Variants in SOX5 observed in about 807,000 individuals in gnomAD.
SOX5 encodes the protein SRY-box transcription factor 5.
A neutral mutation model predicts 92.0 loss-of-function variants in SOX5; 9 were observed. That is an observed-to-expected ratio of 0.10 (90% CI 0.06 to 0.17). The LOEUF is 0.17. Ranked by LOEUF, SOX5 falls within the 10% of genes least tolerant of loss-of-function variation. The pLI is 1.00. For missense variants in SOX5, 642 were observed against 944.5 expected, an observed-to-expected ratio of 0.68 and a Z score of 4.20; for synonymous variants, 344 against 336.3, an observed-to-expected ratio of 1.02 and a Z score of -0.25.
chr12:24,370,799 C>T (rs1439243550), intron 1 of SOX5, among the ~76,000 whole-genome samples: 1 of 152,174 alleles, frequency 6.6e-6, no homozygotes, highest in African/African-American at 2.4e-5. Context: ...CAAAAGACAA[C>T]AACAACAAAA....
chr12:24,018,729 G>A (rs999203688), intron 4 of SOX5, among the ~76,000 whole-genome samples: 1 of 151,970 alleles, frequency 6.6e-6, no homozygotes, highest in Non-Finnish European at 1.5e-5. Context: ...CCTGGGAGGC[G>A]GAGGTTGCAG....
chr12:24,463,605 G>C (rs1309625415), intron 1 of SOX5, among the ~76,000 whole-genome samples: 1 of 152,186 alleles, frequency 6.6e-6, no homozygotes, highest in East Asian at 1.9e-4. Context: ...TGAAAAGGGG[G>C]TGAGCTTGCC....
chr12:23,895,724 G>A, intron 2 of SOX5, 69 bp downstream of exon 2: 3 of 1,072,968 alleles, frequency 2.8e-6, no homozygotes, highest in East Asian at 4.7e-5. Flanking sequence ...AAAGGACTGA[G>A]GCCAAACTAT....
At chr12:24,442,522 AGC>A (rs1465653976) in intron 1 of SOX5, among the ~76,000 whole-genome samples, 5 of 152,310 alleles carry the variant, frequency 3.3e-5, no homozygotes, top group African/African-American at 1.2e-4. Context: ...GGGAGCAGAG[AGC>A]GGGTGCGGTT....
intron 1 of SOX5, among the ~76,000 whole-genome samples, chr12:24,465,917 TG>T (rs1303432074): frequency 6.6e-6 from 1 of 152,194 alleles, no homozygotes; most frequent in African/African-American, 2.4e-5. Flanking sequence ...TCCCCATAGA[TG>T]GGAAACACTC....
At chr12:23,786,313 T>C (rs1209745796) in intron 3 of SOX5, among the ~76,000 whole-genome samples, 1 of 151,974 alleles carries the variant, frequency 6.6e-6, no homozygotes. Context: ...AACTATTGTA[T>C]GTAGCTATTT....
intron 2 of SOX5, among the ~76,000 whole-genome samples, chr12:23,874,779 G>C (rs1289895088): frequency 6.6e-6 from 1 of 152,148 alleles, no homozygotes; most frequent in African/African-American, 2.4e-5. Context: ...GAAGTCCTGA[G>C]AGAAAGGATT....
At chr12:24,541,279 A>G (rs1389869630) in intron 1 of SOX5, among the ~76,000 whole-genome samples, 1 of 152,246 alleles carries the variant, frequency 6.6e-6, no homozygotes, top group African/African-American at 2.4e-5. Context: ...TCCTGATGAG[A>G]GCACCTTTCA....
chr12:24,065,645 C>CAAAAAAAAAAAAAAAAAA (rs71445983), intron 4 of SOX5, among the ~76,000 whole-genome samples: 35 of 81,556 alleles, frequency 4.3e-4, no homozygotes, highest in African/African-American at 8.7e-4. Context: ...GACTCCATCT[C>CAAAAAAAAAAAAAAAAAA]AAAAAAAAAA....
chr12:23,979,707 G>GTTTTTTTTTTTTTT (rs1177945407), intron 4 of SOX5, among the ~76,000 whole-genome samples: 2 of 77,500 alleles, frequency 2.6e-5, no homozygotes, highest in East Asian at 4.3e-4. Flanking sequence ...TGTTTTTTTT[G>GTTTTTTTTTTTTTT]TTTTTTTTTT....
intron 3 of SOX5, among the ~76,000 whole-genome samples, chr12:24,239,319 A>T (rs939658137): frequency 6.6e-6 from 1 of 152,216 alleles, no homozygotes; most frequent in East Asian, 1.9e-4. Context: ...AAACTCACTA[A>T]ATTTCCTTAG....
intron 3 of SOX5, among the ~76,000 whole-genome samples, chr12:24,239,960 G>A (rs1037019884): frequency 4.6e-5 from 7 of 152,054 alleles, no homozygotes; most frequent in East Asian, 1.9e-4. Context: ...GGGAATACAC[G>A]GCTCCAGATA....
intron 1 of SOX5, among the ~76,000 whole-genome samples, chr12:24,531,477 G>A (rs1370439319): frequency 6.6e-6 from 1 of 152,048 alleles, no homozygotes; most frequent in Non-Finnish European, 1.5e-5. Context: ...TTGTGATTAT[G>A]ACTATACTAT....
At chr12:23,614,699 G>A (rs561321560) in intron 8 of SOX5, among the ~76,000 whole-genome samples, 2 of 152,252 alleles carry the variant, frequency 1.3e-5, no homozygotes, top group South Asian at 4.1e-4. Flanking sequence ...GAGTAATGTG[G>A]TATCTTCATG....
intron 4 of SOX5, among the ~76,000 whole-genome samples, chr12:23,965,849 C>T (rs1478362069): frequency 6.6e-6 from 1 of 152,052 alleles, no homozygotes; most frequent in Non-Finnish European, 1.5e-5. Context: ...GAACTCCTGA[C>T]TTCAAGTGAT....
Position 23,987,784 on chromosome 12 carries a change from C to A in SOX5, c.-1-91760G>T, listed in dbSNP as rs190370706. ...TTCCAGCCTGGGCGACAGAGCTAGA[C>A]CCTGCCTTGAAAACAAAAACATCAT... On this transcript the variant is annotated intron_variant, in intron 4 of 4. Transcript: ENST00000446891. Among the ~76,000 whole-genome samples, 754 of 152,248 alleles carry A rather than the reference C, an allele frequency of 5.0e-3. 4 individuals are homozygous for A. The highest frequency in any genetic ancestry group is 0.011 in the South Asian group (53 of 4,822).
At chr12:23,708,477 CA>C (rs975272474) in intron 6 of SOX5, among the ~76,000 whole-genome samples, 8 of 152,078 alleles carry the variant, frequency 5.3e-5, no homozygotes, top group African/African-American at 1.9e-4. Flanking sequence ...CAGTGACAGG[CA>C]AAAACCAAAC....
At chr12:24,231,656 T>TA (rs1963428981) in intron 3 of SOX5, among the ~76,000 whole-genome samples, 1 of 152,208 alleles carries the variant, frequency 6.6e-6, no homozygotes, top group South Asian at 2.1e-4. Context: ...TTGTGATTGA[T>TA]ACGACTATGC....
In SOX5 at chr12:24,338,706, T is replaced by G. The variant is rs190003783; in HGVS notation, c.-174+29857A>C. The stretch of plus-strand genomic sequence containing the variant: ...GTAATTGAATCGTGAGGGCAGTTTT[T>G]TCCCTGTGCTGTTCTCCTGATAGTG... On this transcript the variant is annotated intron_variant, in intron 2 of 4. Transcript: ENST00000446891. Among the ~76,000 whole-genome samples, 650 of 152,240 alleles carry G rather than the reference T, an allele frequency of 4.3e-3. 5 individuals are homozygous for G. Among genetic ancestry groups the G allele is most frequent in the African/African-American group, 0.015 (621 of 41,550 alleles).
Sources: gnomAD v4.1 joint callset for allele counts (sites outside exome capture counted in the v4.1 genomes callset) on GRCh38, gnomAD v4.1.1 for gene constraint, MANE v1.5 for transcripts, NCBI Gene and HGNC (gene_info 2026-07-23, HGNC 2026-07-21) for gene names.